Variants in CR1L observed in about 807,000 individuals in gnomAD.
The protein encoded by CR1L is complement component receptor 1-like protein.
Under a neutral mutation model 62.3 loss-of-function variants are expected in CR1L, and 59 were observed. The ratio of observed to expected loss-of-function variants is 0.95; its 90% CI spans 0.77 to 1.18. The LOEUF (loss-of-function observed/expected upper bound fraction) is 1.18, where lower values mean the gene tolerates loss of function less well. Among genes scored for constraint, CR1L ranks in the 50% most tolerant of loss-of-function variants. The pLI is 0.00. For synonymous variants in CR1L, 279 were observed against 248.7 expected (o/e 1.12, Z -1.15); for missense variants, 700 against 702.8 (o/e 1.00, Z 0.04).
intron 1 of CR1L, among the ~76,000 whole-genome samples, chr1:207,652,191 C>A (rs1663233431): frequency 6.6e-6 from 1 of 152,146 alleles, no homozygotes. Flanking sequence ...GCAGAGTGCT[C>A]TATACTGTAG....
intron 9 of CR1L, chr1:207,701,852 G>A: frequency 4.4e-6 from 3 of 681,982 alleles, no homozygotes; most frequent in Admixed American, 4.4e-5. Context: ...CACTGGATGG[G>A]AAGGAAAAAA....
chr1:207,681,155 T>C (rs1003922416), intron 3 of CR1L, among the ~76,000 whole-genome samples: 1 of 152,194 alleles, frequency 6.6e-6, no homozygotes, highest in Non-Finnish European at 1.5e-5. Flanking sequence ...GGCACATAGA[T>C]TAAGAAGGAA....
intron 8 of CR1L, among the ~76,000 whole-genome samples, chr1:207,700,964 A>C (rs1274901565): frequency 6.6e-6 from 1 of 152,146 alleles, no homozygotes; most frequent in Non-Finnish European, 1.5e-5. Context: ...TTCTTATTGA[A>C]TTTTTTCAAT....
In CR1L at chr1:207,717,482, C is replaced by T. The variant is rs773164565; in HGVS notation, c.1433C>T (p.Pro478Leu). 2.5e-6 allele frequency: 4 copies of T among 1,613,568 alleles called. No individual in the cohort carries two copies. The highest frequency in any genetic ancestry group is 3.4e-6 in the Non-Finnish European group (4 of 1,179,568). Reference sequence around the variant, plus strand: ...TTTCTAGAAATCTTTTGTCCAAATCCTCCAGCTATCCTTAATGGGAGACAC... The same window carrying T: ...TTTCTAGAAATCTTTTGTCCAAATCTTCCAGCTATCCTTAATGGGAGACAC... Reference protein sequence around the residue: ...PICQQIFCPNPPAILNGRHTG... With the variant: ...PICQQIFCPNLPAILNGRHTG... The change falls in exon 11 of 12, where the codon CCT (proline) becomes CTT (leucine). Residue 478 changes from proline (P) to leucine (L), a missense_variant. Physicochemically the swap from Pro to Leu is moderately conservative, Grantham distance 98. Coordinates refer to ENST00000508064, the MANE Select transcript of CR1L (RefSeq NM_175710.2).
At chr1:207,655,718 G>A (rs546461476) in intron 1 of CR1L, among the ~76,000 whole-genome samples, 1 of 152,250 alleles carries the variant, frequency 6.6e-6, no homozygotes, top group South Asian at 2.1e-4. Flanking sequence ...GATTACAAAT[G>A]TGAGCCACCC....
intron 8 of CR1L, among the ~76,000 whole-genome samples, chr1:207,700,335 C>T (rs1271013629): frequency 6.6e-6 from 1 of 152,192 alleles, no homozygotes; most frequent in Non-Finnish European, 1.5e-5. Flanking sequence ...GTCTGTTCTA[C>T]TATCATGCAT....
chr1:207,650,508 T>C (rs1216752768), intron 1 of CR1L, among the ~76,000 whole-genome samples: 1 of 152,134 alleles, frequency 6.6e-6, no homozygotes, highest in Admixed American at 6.5e-5. Context: ...TGAAGTAATT[T>C]TCATAGACCT....
chr1:207,674,162 C>G (rs1258207939), intron 1 of CR1L, among the ~76,000 whole-genome samples: 1 of 152,062 alleles, frequency 6.6e-6, no homozygotes, highest in African/African-American at 2.4e-5. Flanking sequence ...TAAGAGAAAA[C>G]AGGTCGAAGG....
intron 1 of CR1L, among the ~76,000 whole-genome samples, chr1:207,672,612 A>C (rs1181590204): frequency 6.6e-6 from 1 of 152,096 alleles, no homozygotes; most frequent in Non-Finnish European, 1.5e-5. Context: ...CAACAACAGC[A>C]AAAGACATTC....
At chr1:207,682,777 A>T (rs975917986) in intron 3 of CR1L, among the ~76,000 whole-genome samples, 1 of 152,196 alleles carries the variant, frequency 6.6e-6, no homozygotes, top group African/African-American at 2.4e-5. Context: ...CCAACCATCT[A>T]TCACAACAGA....
chr1:207,648,178 C>CACAA (rs1663162708), intron 1 of CR1L, among the ~76,000 whole-genome samples: 2 of 20,000 alleles, frequency 1.0e-4, no homozygotes, highest in South Asian at 4.7e-3. Context: ...GTCTCAAACA[C>CACAA]ACACACACAC....
chr1:207,677,579 C>G lies in CR1L; in HGVS notation c.277+11C>G. The stretch of plus-strand genomic sequence containing the variant: ...AGGACAAGTGCAAACGTAAGTAACT[C>G]TGGAGTGGGAACCCCTCTGTTAGTC... On this transcript the variant is annotated intron_variant, in intron 2 of 11. Transcript: ENST00000508064. 1 of 1,609,712 alleles carries G rather than the reference C, an allele frequency of 6.2e-7. No homozygotes were observed. The highest frequency in any genetic ancestry group is 8.5e-7 in the Non-Finnish European group (1 of 1,178,336).
chr1:207,697,668 C>T lies in CR1L; in HGVS notation c.1028C>T (p.Pro343Leu), dbSNP rs1051819512. 2 of 1,613,872 alleles carry T rather than the reference C, an allele frequency of 1.2e-6. No homozygotes were observed. The highest frequency in any genetic ancestry group is 1.7e-6 in the Non-Finnish European group (2 of 1,179,898). ...TPQGDWSPAA[P>L]RCEVKSCDDF... ...CAGGGAGACTGGAGCCCTGCAGCCC[C>T]CAGATGTGAAGGTGACTAGACTCTT... Residue 343 changes from proline (P) to leucine (L), a missense_variant, in exon 6 of 12, where the codon CCC becomes CTC. Transcript: ENST00000508064.
rs117598258 is a variant in CR1L, at chr1:207,716,013, A to G, written c.1415-1451A>G. 1.6e-3 allele frequency among the ~76,000 whole-genome samples: 249 copies of G among 152,246 alleles called. 5 individuals carry two copies. The East Asian group carries it at 0.03, about 18-fold the overall frequency. ...CCCAGCCAAATTCTTATGTTCTTTT[A>G]TCCCCTCACGTATCATAAACAATTT... On this transcript the variant is annotated intron_variant, in intron 10 of 11. Coordinates refer to ENST00000508064, the MANE Select transcript of CR1L (RefSeq NM_175710.2).
chr1:207,703,040 G>A (rs182650860), intron 9 of CR1L, among the ~76,000 whole-genome samples: 63 of 152,346 alleles, frequency 4.1e-4, no homozygotes, highest in African/African-American at 1.4e-3. Context: ...TTGTGCCACT[G>A]CACTCCAGGT....
chr1:207,662,031 G>A (rs1663432908), intron 1 of CR1L, among the ~76,000 whole-genome samples: 2 of 152,136 alleles, frequency 1.3e-5, no homozygotes, highest in African/African-American at 2.4e-5. Context: ...AGTCTGATGG[G>A]CGTCCCTTTG....
At chr1:207,660,365 C>T (rs980889166) in intron 1 of CR1L, among the ~76,000 whole-genome samples, 25 of 152,218 alleles carry the variant, frequency 1.6e-4, no homozygotes, top group Non-Finnish European at 7.3e-5. Flanking sequence ...CTGCAGCCTC[C>T]GCTGGTGATA....
chr1:207,710,402 C>T, intron 10 of CR1L: 1 of 1,533,844 alleles, frequency 6.5e-7, no homozygotes, highest in East Asian at 2.3e-5. Flanking sequence ...TGGGCTACCC[C>T]CCAACATCAC....
chr1:207,703,094 A>C (rs1172299693), intron 9 of CR1L, among the ~76,000 whole-genome samples: 1 of 152,198 alleles, frequency 6.6e-6, no homozygotes, highest in Non-Finnish European at 1.5e-5. Context: ...TCTCCATAAC[A>C]TAAAGGTGCA....
Sources: gnomAD v4.1 joint callset for allele counts (sites outside exome capture counted in the v4.1 genomes callset) on GRCh38, gnomAD v4.1.1 for gene constraint, MANE v1.5 for transcripts, NCBI Gene and HGNC (gene_info 2026-07-23, HGNC 2026-07-21) for gene names.